SHANK2: variants seen among roughly 807,000 people sequenced by gnomAD.
SHANK2 encodes the protein SH3 and multiple ankyrin repeat domains 2, also known as SH3 and multiple ankyrin repeat domains protein 2.
SHANK2 carries 43 observed loss-of-function variants against 133.7 expected under a neutral mutation model. The observed-to-expected ratio is 0.32, with a 90% CI of 0.25 to 0.41. The LOEUF is 0.41. Among genes scored for constraint, SHANK2 ranks in the 10% least tolerant of loss-of-function variants. SHANK2 has a pLI of 1.00. For missense variants in SHANK2, 1,994 were observed against 2,235.8 expected (o/e 0.89, Z 2.18); for synonymous variants, 1,017 against 952.8 (o/e 1.07, Z -1.24).
At chr11:70,685,492 C>T (rs1213998945) in intron 15 of SHANK2, among the ~76,000 whole-genome samples, 2 of 152,148 alleles carry the variant, frequency 1.3e-5, no homozygotes, top group Admixed American at 1.3e-4. Flanking sequence ...CTAAGCCCTG[C>T]TTGTTGGTTG....
chr11:70,529,082 C>T (rs2135964847), intron 17 of SHANK2, among the ~76,000 whole-genome samples: 1 of 152,250 alleles, frequency 6.6e-6, no homozygotes, highest in Admixed American at 6.5e-5. Context: ...ACCCTGGTCA[C>T]TTACTCCCCT....
chr11:70,683,871 C>G (rs1206858475), intron 15 of SHANK2, among the ~76,000 whole-genome samples: 3 of 152,032 alleles, frequency 2.0e-5, no homozygotes, highest in African/African-American at 7.3e-5. Context: ...GCAAACTCCG[C>G]CTCCTGGGTT....
chr11:71,147,311 T>C lies in SHANK2; in HGVS notation c.16A>G (p.Thr6Ala), dbSNP rs1555106924. ...TGGGCCATCTCGTCCTCGCTGGATG[T>C]TGGGCTGCGCGGCATGGCTGCCTGT... MPRSP[T>A]SSEDEMAQSF... The change falls in exon 3 of 26, where the codon ACA becomes GCA. Residue 6 changes from threonine to alanine, a missense_variant. By Grantham distance (58) the Thr-to-Ala change is moderately conservative. Coordinates refer to ENST00000601538, the MANE Select transcript of SHANK2 (RefSeq NM_012309.5). 1 of 1,550,576 alleles carries C rather than the reference T, an allele frequency of 6.4e-7. No individual in the cohort carries two copies. The highest frequency in any genetic ancestry group is 8.7e-7 in the Non-Finnish European group (1 of 1,146,622).
intron 14 of SHANK2, among the ~76,000 whole-genome samples, chr11:70,760,832 T>G (rs1401466187): frequency 6.6e-6 from 1 of 152,030 alleles, no homozygotes; most frequent in Non-Finnish European, 1.5e-5. Flanking sequence ...TGGTAGTCAG[T>G]GTAGGAAGGC....
intron 11 of SHANK2, among the ~76,000 whole-genome samples, chr11:70,850,978 G>A (rs2135465999): frequency 6.6e-6 from 1 of 152,322 alleles, no homozygotes. Flanking sequence ...GGTAGAGTGA[G>A]CCAACACAAA....
At chr11:70,524,851 C>T (rs962536111) in intron 17 of SHANK2, among the ~76,000 whole-genome samples, 1 of 152,268 alleles carries the variant, frequency 6.6e-6, no homozygotes, top group Non-Finnish European at 1.5e-5. Flanking sequence ...ATTCCGCTGC[C>T]TCTCACCATC....
At chr11:70,675,515 T>C (rs1213798385) in intron 15 of SHANK2, among the ~76,000 whole-genome samples, 1 of 152,190 alleles carries the variant, frequency 6.6e-6, no homozygotes, top group Non-Finnish European at 1.5e-5. Flanking sequence ...GCACTGTTGA[T>C]TCCTGGCCAG....
At chr11:71,193,396 T>A (rs1398063069) in intron 2 of SHANK2, among the ~76,000 whole-genome samples, 1 of 152,176 alleles carries the variant, frequency 6.6e-6, no homozygotes, top group African/African-American at 2.4e-5. Flanking sequence ...AGATACCTCA[T>A]TTCCTGGGCT....
intron 14 of SHANK2, among the ~76,000 whole-genome samples, chr11:70,716,412 C>T (rs894248892): frequency 2.4e-4 from 37 of 152,246 alleles, no homozygotes; most frequent in Admixed American, 8.5e-4. Flanking sequence ...GCTGAGGCTT[C>T]GGAAATAGGA....
chr11:70,894,026 A>G (rs1463476340), intron 11 of SHANK2, among the ~76,000 whole-genome samples: 1 of 152,226 alleles, frequency 6.6e-6, no homozygotes, highest in Non-Finnish European at 1.5e-5. Flanking sequence ...TTTTATAATA[A>G]TGAAAAAAAC....
chr11:70,800,852 G>A (rs1448795926), intron 13 of SHANK2, among the ~76,000 whole-genome samples: 2 of 152,218 alleles, frequency 1.3e-5, no homozygotes, highest in Non-Finnish European at 2.9e-5. Flanking sequence ...GCCACCAGGA[G>A]CCAGTGCCCA....
intron 1 of SHANK2, among the ~76,000 whole-genome samples, chr11:71,251,929 G>A (rs1345763150): frequency 6.6e-6 from 1 of 151,954 alleles, no homozygotes; most frequent in African/African-American, 2.4e-5. Context: ...CCGCCCCCGC[G>A]CGCCACCTGG....
In SHANK2 at chr11:71,167,641, C is replaced by G. The variant is rs368910196; in HGVS notation, c.-12-20303G>C. Among the ~76,000 whole-genome samples the G allele has an allele frequency of 7.9e-4, 117 of 147,278 alleles. 1 individual carries two copies. In the East Asian group the frequency reaches 0.022, roughly 28 times the overall value. On this transcript the variant is annotated intron_variant, in intron 2 of 25. Transcript: ENST00000601538. ...CCGGGAAGAGGCGCCCCTCACTTCC[C>G]GGACAGGACAGCTGGCCGGGCGGGG...
At chr11:70,928,822 C>A (rs1268964500) in intron 10 of SHANK2, among the ~76,000 whole-genome samples, 1 of 152,158 alleles carries the variant, frequency 6.6e-6, no homozygotes, top group African/African-American at 2.4e-5. Flanking sequence ...GCCTTCAAAC[C>A]CCCACACCAA....
rs904406470 is a variant in SHANK2 at position 70,820,347 on chromosome 11, C to T, written c.1493+17G>A. On this transcript the variant is annotated intron_variant, in intron 12 of 25. Coordinates refer to ENST00000601538, the MANE Select transcript of SHANK2 (RefSeq NM_012309.5). ...CACGTGGCGGTCTTCCTTCCCTTGG[C>T]GTCTGCCACTCCTTACCCGACATGC... 13 of 604,532 alleles carry T rather than the reference C, an allele frequency of 2.2e-5. No homozygotes were observed. The highest frequency in any genetic ancestry group is 2.6e-4 in the Middle Eastern group (1 of 3,892). 37.4% of individuals were successfully genotyped at this position (604,532 alleles called of 1,614,324 possible).
chr11:70,885,176 C>G (rs1455762332), intron 11 of SHANK2, among the ~76,000 whole-genome samples: 4 of 127,742 alleles, frequency 3.1e-5, no homozygotes, highest in African/African-American at 1.0e-4. Context: ...CCGTAAGTGC[C>G]CTGGGAGCGC....
At chr11:70,924,464 T>A (rs1215935306) in intron 10 of SHANK2, among the ~76,000 whole-genome samples, 1 of 152,036 alleles carries the variant, frequency 6.6e-6, no homozygotes, top group African/African-American at 2.4e-5. Context: ...TTTTTAAAAA[T>A]TTTTATTTTT....
chr11:70,924,890 C>G (rs1950405529), intron 10 of SHANK2, among the ~76,000 whole-genome samples: 1 of 152,172 alleles, frequency 6.6e-6, no homozygotes, highest in African/African-American at 2.4e-5. Context: ...GGGTCTGCCA[C>G]TCCCGGAACA....
intron 6 of SHANK2, among the ~76,000 whole-genome samples, chr11:71,108,939 C>A (rs782377658): frequency 5.8e-5 from 8 of 137,596 alleles, no homozygotes; most frequent in East Asian, 4.6e-4. Flanking sequence ...CCCAGCGGGC[C>A]CCCCCCCAGC....
Sources: gnomAD v4.1 joint callset for allele counts (sites outside exome capture counted in the v4.1 genomes callset) on GRCh38, gnomAD v4.1.1 for gene constraint, MANE v1.5 for transcripts, NCBI Gene and HGNC (gene_info 2026-07-23, HGNC 2026-07-21) for gene names.